Variants in NEBL observed in about 807,000 individuals in gnomAD.
The protein encoded by NEBL is nebulette.
A neutral mutation model predicts 140.2 loss-of-function variants in NEBL; 122 were observed. That is an observed-to-expected ratio of 0.87 (90% CI 0.75 to 1.01). The LOEUF (loss-of-function observed/expected upper bound fraction) is 1.01. NEBL is among the 50% of genes least tolerant of loss of function. The pLI, the probability that NEBL is intolerant of heterozygous loss-of-function variation, is 0.00. For missense variants in NEBL, 1,365 were observed against 1,231.3 expected, an observed-to-expected ratio of 1.11 and a Z score of -1.62; for synonymous variants, 436 against 398.9, an observed-to-expected ratio of 1.09 and a Z score of -1.11.
chr10:20,982,481 G>T (rs761179858), intron 3 of NEBL, among the ~76,000 whole-genome samples: 8 of 152,122 alleles, frequency 5.3e-5, no homozygotes, highest in Non-Finnish European at 8.8e-5. Flanking sequence ...CACTAAAATG[G>T]TATTTAAAAC....
At chr10:21,018,792 G>T (rs1031491054) in intron 3 of NEBL, among the ~76,000 whole-genome samples, 1 of 152,176 alleles carries the variant, frequency 6.6e-6, no homozygotes, top group Non-Finnish European at 1.5e-5. Flanking sequence ...CACTTTGGGA[G>T]GCCGAGGCAG....
chr10:21,223,878 G>T (rs1842107917), intron 3 of NEBL, among the ~76,000 whole-genome samples: 1 of 152,050 alleles, frequency 6.6e-6, no homozygotes, highest in African/African-American at 2.4e-5. Context: ...ATTTTTAATT[G>T]AATTATTATA....
intron 3 of NEBL, among the ~76,000 whole-genome samples, chr10:21,185,778 G>A (rs4748755): frequency 0.2 from 30,835 of 152,108 alleles, 4,753 homozygotes; most frequent in African/African-American, 0.44. Context: ...GATTACAGGC[G>A]TGACCCACTG....
intron 1 of NEBL, among the ~76,000 whole-genome samples, chr10:21,286,063 G>C (rs899327387): frequency 4.6e-5 from 7 of 152,104 alleles, no homozygotes; most frequent in African/African-American, 1.4e-4. Flanking sequence ...TTTAGACTTG[G>C]CCTTCAGATT....
intron 26 of NEBL, among the ~76,000 whole-genome samples, chr10:20,803,094 A>G (rs573951250): frequency 6.6e-6 from 1 of 152,266 alleles, no homozygotes; most frequent in African/African-American, 2.4e-5. Flanking sequence ...CCTCGACCAC[A>G]AGCAGGCAAC....
At chr10:21,035,224 C>T (rs1833965488) in intron 2 of NEBL, among the ~76,000 whole-genome samples, 3 of 152,248 alleles carry the variant, frequency 2.0e-5, no homozygotes, top group Non-Finnish European at 4.4e-5. Flanking sequence ...TTTCAAACTC[C>T]TGGCCTCAAG....
chr10:20,879,612 G>C (rs1462215094), intron 5 of NEBL, among the ~76,000 whole-genome samples: 4 of 152,134 alleles, frequency 2.6e-5, no homozygotes, highest in African/African-American at 9.7e-5. Context: ...GGGACTATGG[G>C]GGCACATGGT....
Position 20,850,494 on chromosome 10 carries a change from A to G in NEBL, c.1017T>C (p.Tyr339=), listed in dbSNP as rs1326321960. 1 of 1,588,278 alleles carries G rather than the reference A, an allele frequency of 6.3e-7. No homozygotes were observed. Among genetic ancestry groups the G allele is most frequent in the Non-Finnish European group, 8.6e-7 (1 of 1,156,974 alleles). ...CCTTATTTTTCTCATATTCTTCTTT[A>G]TATTTCACCTTCATTGGAAAAAGAA... is the stretch of plus-strand genomic sequence containing the variant. The part of the protein sequence containing the change: ...GNAVLQSQVK[Y]KEEYEKNKGK... The change falls in exon 11 of 28, where the codon TAT becomes TAC. Residue 339 remains tyrosine, a synonymous_variant. Transcript: ENST00000377122.
exon 1 of NEBL, chr10:21,174,054 T>C: frequency 3.6e-6 from 4 of 1,118,316 alleles, no homozygotes; most frequent in Non-Finnish European, 3.3e-6. Flanking sequence ...AGGCGCTGGG[T>C]CTCGGCTCCG....
rs143314527 is a variant in NEBL at position 20,821,252 on chromosome 10, T to C, written c.1963-1736A>G. 2.9e-3 allele frequency among the ~76,000 whole-genome samples: 438 copies of C among 152,354 alleles called. 3 individuals carry two copies. The highest frequency in any genetic ancestry group is 9.9e-3 in the African/African-American group (412 of 41,586). On this transcript the variant is annotated intron_variant, in intron 19 of 27. Transcript: ENST00000377122. ...TCTTGTATTCATCCCTTCACAAACATGCTGTGTGCTTCACAAGCAATATCT... is the reference window on the plus strand; with the variant it reads ...TCTTGTATTCATCCCTTCACAAACACGCTGTGTGCTTCACAAGCAATATCT...
chr10:21,281,453 C>G (rs545570094), intron 1 of NEBL, among the ~76,000 whole-genome samples: 1 of 151,716 alleles, frequency 6.6e-6, no homozygotes, highest in South Asian at 2.1e-4. Flanking sequence ...CACACCACCA[C>G]TCTCTGCTGC....
At chr10:20,819,015 T>C in intron 20 of NEBL, 5 of 993,420 alleles carry the variant, frequency 5.0e-6, no homozygotes, top group Non-Finnish European at 4.8e-6. Context: ...CACTTTTTCA[T>C]GTTATAATGA....
intron 7 of NEBL, among the ~76,000 whole-genome samples, chr10:20,860,561 CAAAAAGAAAAAAAA>C (rs1175394630): frequency 3.2e-5 from 2 of 61,938 alleles, no homozygotes; most frequent in East Asian, 4.7e-4. Flanking sequence ...AAGTTCACTA[CAAAAAGAAAAAAAA>C]AAAAAAAAAA....
chr10:20,960,477 C>T (rs1020998106), intron 4 of NEBL, among the ~76,000 whole-genome samples: 2 of 151,988 alleles, frequency 1.3e-5, no homozygotes, highest in Non-Finnish European at 2.9e-5. Flanking sequence ...GAAATCCCTA[C>T]TAATATAAAA....
rs1417972069 is a variant in NEBL, at chr10:20,850,441, G to C, written c.1070C>G (p.Thr357Arg). ...KGKPMLEFVE[T>R]PSYQASKEAQ... is the part of the protein sequence containing the mutation. ...CTCCTTTGAAGCTTGATATGATGGT[G>C]TCTCAACAAATTCAAGCATTGGCTT... The change falls in exon 11 of 28, where the codon ACA becomes AGA. Residue 357 changes from threonine (T) to arginine (R), a missense_variant. This residue lies in a region of NEBL where 1,323 missense variants were observed against 1,154.8 expected (regional missense o/e 1.15). Transcript: ENST00000377122. 1 of 1,612,280 alleles carries C rather than the reference G, an allele frequency of 6.2e-7. No homozygotes were observed.
chr10:21,067,161 T>C (rs192413373), intron 2 of NEBL, among the ~76,000 whole-genome samples: 46 of 151,968 alleles, frequency 3.0e-4, no homozygotes, highest in Admixed American at 1.3e-3. Flanking sequence ...ATAGTAGAGA[T>C]GGGGTTTCAC....
intron 22 of NEBL, among the ~76,000 whole-genome samples, chr10:20,814,617 T>C (rs4994006): frequency 0.02 from 2,962 of 146,400 alleles, 97 homozygotes; most frequent in African/African-American, 0.07. Context: ...CATACACACA[T>C]ACACACACAC....
At chr10:20,859,875 A>C (rs750917147) in intron 7 of NEBL, 49 bp from the exon 8 acceptor site, 11 of 890,694 alleles carry the variant, frequency 1.2e-5, no homozygotes, top group Admixed American at 2.2e-5. Flanking sequence ...TAAAAGTAAC[A>C]CATATGATTT....
At chr10:21,160,478 T>C (rs985921492) in intron 2 of NEBL, among the ~76,000 whole-genome samples, 30 of 152,338 alleles carry the variant, frequency 2.0e-4, no homozygotes, top group African/African-American at 7.0e-4. Context: ...TGTTCTAATA[T>C]GGTGTTTCTA....
Sources: allele counts gnomAD v4.1 joint callset (sites outside exome capture counted in the v4.1 genomes callset), GRCh38; gene constraint gnomAD v4.1.1; regional missense constraint gnomAD v4.1.1; transcripts MANE v1.5; gene names NCBI Gene and HGNC (gene_info 2026-07-23, HGNC 2026-07-21).